The following NTM variants were observed in gnomAD, a reference collection of about 807,000 sequenced individuals.
NTM encodes IgLON family member 2.
In NTM, 13 loss-of-function variants were observed where a neutral mutation model predicts 42.1. The ratio of observed to expected loss-of-function variants is 0.31; its 90% CI spans 0.20 to 0.49. NTM has a LOEUF of 0.49. Ranked by LOEUF, NTM falls within the 20% of genes least tolerant of loss-of-function variation. The probability of loss-of-function intolerance (pLI) is 0.99; values close to 1 mark genes in which losing one functional copy is unlikely to be tolerated. For missense variants in NTM, 373 were observed against 452.8 expected, an observed-to-expected ratio of 0.82 and a Z score of 1.60; for synonymous variants, 187 against 179.2, an observed-to-expected ratio of 1.04 and a Z score of -0.35.
At chr11:131,895,879 C>A (rs183553745) in intron 1 of NTM, among the ~76,000 whole-genome samples, 1 of 150,716 alleles carries the variant, frequency 6.6e-6, no homozygotes, top group East Asian at 2.0e-4. Context: ...GAGCAAAAGT[C>A]TGAGCATCTA....
At chr11:131,650,937 A>G (rs1459097588) in intron 1 of NTM, among the ~76,000 whole-genome samples, 1 of 152,200 alleles carries the variant, frequency 6.6e-6, no homozygotes, top group African/African-American at 2.4e-5. Context: ...TTAATCTTCA[A>G]TAAGTTACAT....
intron 1 of NTM, among the ~76,000 whole-genome samples, chr11:131,711,686 G>A (rs1282865997): frequency 2.3e-4 from 35 of 151,990 alleles, no homozygotes; most frequent in African/African-American, 8.0e-4. Flanking sequence ...GCACACATAT[G>A]TTTATTGCGG....
intron 2 of NTM, among the ~76,000 whole-genome samples, chr11:132,125,294 TG>T (rs2065495055): frequency 6.7e-6 from 1 of 149,894 alleles, no homozygotes. Flanking sequence ...TTTGTGTGTG[TG>T]TGTGTGTGTG....
chr11:132,140,980 C>G (rs990536303), intron 2 of NTM: 2 of 152,216 alleles, frequency 1.3e-5, no homozygotes, highest in Non-Finnish European at 2.9e-5. Flanking sequence ...GATGCGCTGC[C>G]TTTCAGACAC....
chr11:132,220,119 G>A (rs1453336360), intron 4 of NTM, among the ~76,000 whole-genome samples: 1 of 152,182 alleles, frequency 6.6e-6, no homozygotes. Context: ...CATCATAATG[G>A]AAAGTGGCCA....
chr11:132,241,293 T>G (rs1379889890), intron 4 of NTM, among the ~76,000 whole-genome samples: 1 of 152,192 alleles, frequency 6.6e-6, no homozygotes, highest in Non-Finnish European at 1.5e-5. Context: ...ATAACAAATT[T>G]ATATATAATG....
chr11:131,479,299 A>T (rs998062961), intron 1 of NTM, among the ~76,000 whole-genome samples: 1 of 152,240 alleles, frequency 6.6e-6, no homozygotes, highest in African/African-American at 2.4e-5. Flanking sequence ...GGTTTTCCAG[A>T]CTGAAGGAAG....
chr11:132,137,049 T>C (rs565462394), intron 2 of NTM, among the ~76,000 whole-genome samples: 2 of 152,344 alleles, frequency 1.3e-5, no homozygotes, highest in East Asian at 1.9e-4. Context: ...TACATCCTGG[T>C]TTAATCAGTG....
rs1166464013 is a variant in NTM at position 131,758,344 on chromosome 11, A to AT, written c.83-153220_83-153219insT. ...ATATGGCCATATTTCATTTCTGGCA[A>AT]ATGGATGTTATTTACATTTGAAAAA... On this transcript the variant is annotated intron_variant, in intron 1 of 8. Coordinates refer to ENST00000683400, the MANE Select transcript of NTM (RefSeq NM_001352005.2). Among the ~76,000 whole-genome samples the AT allele has an allele frequency of 5.0e-4, 76 of 152,152 alleles. No homozygotes were observed. The Middle Eastern group carries it at 0.01, about 21-fold the overall frequency.
At chr11:132,167,912 C>T (rs535986032) in intron 3 of NTM, among the ~76,000 whole-genome samples, 56 of 152,168 alleles carry the variant, frequency 3.7e-4, no homozygotes, top group African/African-American at 1.1e-3. Flanking sequence ...TTGCCCACAA[C>T]GGGAAGAATC....
rs1457534723 is a variant in NTM, at chr11:132,002,070, G to A, written c.167+90422G>A. ...GAATCAGAATCAGTTAATGAATTAG[G>A]CTCACAGGGGTGGAGAGTTGATGCT... On this transcript the variant is annotated intron_variant, in intron 2 of 8. Coordinates refer to ENST00000683400, the MANE Select transcript of NTM (RefSeq NM_001352005.2). The surrounding 1 kb of genome is among the most constrained non-coding windows in gnomAD (Gnocchi z 4.5). Among the ~76,000 whole-genome samples, 1 of 152,158 alleles carries A rather than the reference G, an allele frequency of 6.6e-6. No individual in the cohort carries two copies. The highest frequency in any genetic ancestry group is 2.4e-5 in the African/African-American group (1 of 41,450).
chr11:131,608,295 A>G (rs982295092), intron 1 of NTM, among the ~76,000 whole-genome samples: 38 of 152,260 alleles, frequency 2.5e-4, no homozygotes, highest in African/African-American at 8.7e-4. Context: ...CCAGTCTACC[A>G]TCGTTGGACA....
At chr11:132,326,250 T>C (rs1252062697) in intron 7 of NTM, among the ~76,000 whole-genome samples, 1 of 152,190 alleles carries the variant, frequency 6.6e-6, no homozygotes, top group Non-Finnish European at 1.5e-5. Context: ...CATGCATTGC[T>C]ATGGCTATGC....
chr11:132,053,803 T>G (rs1449483300), intron 2 of NTM, among the ~76,000 whole-genome samples: 1 of 152,250 alleles, frequency 6.6e-6, no homozygotes, highest in Non-Finnish European at 1.5e-5. Flanking sequence ...GGTTCTTTAT[T>G]TTTTTGTGCT....
intron 3 of NTM, among the ~76,000 whole-genome samples, chr11:132,171,944 A>C (rs1368619649): frequency 6.6e-6 from 1 of 152,082 alleles, no homozygotes; most frequent in Admixed American, 6.5e-5. Context: ...TCAATCTCTT[A>C]CTTGGGGTTT....
At chr11:131,656,228 G>A (rs968082201) in intron 1 of NTM, among the ~76,000 whole-genome samples, 4 of 152,252 alleles carry the variant, frequency 2.6e-5, no homozygotes, top group Non-Finnish European at 4.4e-5. Flanking sequence ...AGGAAAAAAA[G>A]TGTAAGAGAT....
intron 1 of NTM, among the ~76,000 whole-genome samples, chr11:131,777,405 G>A (rs528169232): frequency 9.3e-5 from 14 of 150,948 alleles, no homozygotes; most frequent in African/African-American, 2.7e-4. Context: ...CATAAACCAC[G>A]TGTTTCTCTC....
chr11:131,492,241 A>G (rs73572312), intron 1 of NTM, among the ~76,000 whole-genome samples: 7,337 of 152,256 alleles, frequency 0.048, 572 homozygotes, highest in African/African-American at 0.17. Flanking sequence ...CAGGGCAGTT[A>G]CTGTTACTCT....
chr11:132,107,987 C>T (rs1391219572), intron 2 of NTM, among the ~76,000 whole-genome samples: 2 of 152,154 alleles, frequency 1.3e-5, no homozygotes, highest in African/African-American at 4.8e-5. Flanking sequence ...GATAGAAAGT[C>T]CCACACAAAC....
Sources: allele counts gnomAD v4.1 joint callset (sites outside exome capture counted in the v4.1 genomes callset), GRCh38; gene constraint gnomAD v4.1.1; non-coding constraint Gnocchi (gnomAD v3.1); transcripts MANE v1.5; gene names NCBI Gene and HGNC (gene_info 2026-07-23, HGNC 2026-07-21).